EYA1: variants seen among roughly 807,000 people sequenced by gnomAD.
EYA1 encodes the protein EYA transcriptional coactivator and phosphatase 1, also known as protein phosphatase EYA1.
EYA1 carries 16 observed loss-of-function variants against 82.0 expected under a neutral mutation model. That is an observed-to-expected ratio of 0.20 (90% confidence interval 0.13 to 0.30). The LOEUF (loss-of-function observed/expected upper bound fraction) is 0.30, where lower values mean the gene tolerates loss of function less well. Ranked by LOEUF, EYA1 falls within the 10% of genes least tolerant of loss-of-function variation. The probability of loss-of-function intolerance (pLI) is 1.00; values close to 1 mark genes in which losing one functional copy is unlikely to be tolerated. For synonymous variants in EYA1, 261 were observed against 264.4 expected (o/e 0.99, Z 0.12); for missense variants, 633 against 730.7 (o/e 0.87, Z 1.54).
intron 2 of EYA1, among the ~76,000 whole-genome samples, chr8:71,511,443 G>A (rs1812590328): frequency 6.6e-6 from 1 of 152,126 alleles, no homozygotes; most frequent in Non-Finnish European, 1.5e-5. Context: ...TTGGGGCTGG[G>A]GACAAAATAT....
chr8:71,497,242 A>G (rs1377987185), intron 2 of EYA1, among the ~76,000 whole-genome samples: 3 of 152,242 alleles, frequency 2.0e-5, no homozygotes, highest in African/African-American at 7.2e-5. Flanking sequence ...AAAATCTCAT[A>G]ATGTTTTAAG....
At chr8:71,246,710 A>G (rs998004021) in intron 11 of EYA1, among the ~76,000 whole-genome samples, 1 of 152,232 alleles carries the variant, frequency 6.6e-6, no homozygotes, top group Non-Finnish European at 1.5e-5. Context: ...ATTCTCACAT[A>G]GACTAATAAA....
chr8:71,516,006 T>C (rs1008121291), intron 2 of EYA1, among the ~76,000 whole-genome samples: 2 of 152,166 alleles, frequency 1.3e-5, no homozygotes, highest in Admixed American at 6.5e-5. Context: ...GATTAACAGA[T>C]ATGTAAACAT....
intron 2 of EYA1, among the ~76,000 whole-genome samples, chr8:71,406,343 C>T (rs902916111): frequency 3.3e-5 from 5 of 152,160 alleles, no homozygotes; most frequent in African/African-American, 1.2e-4. Context: ...TATTTGATGA[C>T]ATAAAGAAAT....
chr8:71,405,938 A>G (rs1830194906), intron 2 of EYA1, among the ~76,000 whole-genome samples: 1 of 152,160 alleles, frequency 6.6e-6, no homozygotes, highest in Admixed American at 6.5e-5. Flanking sequence ...GATCACAGCC[A>G]CAATTTGCAG....
At chr8:71,491,765 G>A (rs1244201289) in intron 2 of EYA1, among the ~76,000 whole-genome samples, 1 of 152,194 alleles carries the variant, frequency 6.6e-6, no homozygotes, top group Non-Finnish European at 1.5e-5. Context: ...CAGAGCCACA[G>A]TAAAACCTGC....
chr8:71,312,955 A>G (rs1241135958), intron 7 of EYA1, among the ~76,000 whole-genome samples: 3 of 152,176 alleles, frequency 2.0e-5, no homozygotes, highest in South Asian at 2.1e-4. Context: ...TGATGCTTCA[A>G]TGACTGGTGG....
chr8:71,460,132 G>C (rs1253496420), intron 2 of EYA1, among the ~76,000 whole-genome samples: 2 of 152,156 alleles, frequency 1.3e-5, no homozygotes, highest in Non-Finnish European at 2.9e-5. Flanking sequence ...CATTCTCCAG[G>C]TGTTCAATCT....
intron 2 of EYA1, among the ~76,000 whole-genome samples, chr8:71,372,534 T>C (rs1828141699): frequency 6.6e-6 from 1 of 152,034 alleles, no homozygotes; most frequent in Admixed American, 6.6e-5. Context: ...AGGAGAAAGA[T>C]GAATATAATT....
At chr8:71,520,145 A>AC (rs1217390802) in intron 2 of EYA1, among the ~76,000 whole-genome samples, 2 of 152,156 alleles carry the variant, frequency 1.3e-5, no homozygotes, top group African/African-American at 4.8e-5. Context: ...ATGAGAACAA[A>AC]CAATAATGTC....
chr8:71,482,314 G>A (rs764964360), intron 2 of EYA1, among the ~76,000 whole-genome samples: 2 of 152,118 alleles, frequency 1.3e-5, no homozygotes, highest in South Asian at 2.1e-4. Context: ...ATTATTCACC[G>A]GGAAAATGCA....
At chr8:71,285,988 TAGA>T (rs1298500343) in intron 9 of EYA1, among the ~76,000 whole-genome samples, 3 of 152,226 alleles carry the variant, frequency 2.0e-5, no homozygotes, top group Non-Finnish European at 2.9e-5. Flanking sequence ...ATGAGTACCT[TAGA>T]AGAAGAATGT....
intron 2 of EYA1, among the ~76,000 whole-genome samples, chr8:71,412,383 A>G (rs1322177526): frequency 1.4e-5 from 2 of 145,770 alleles, no homozygotes; most frequent in Non-Finnish European, 3.0e-5. Flanking sequence ...GTATAATAAA[A>G]AAATATAAAA....
In EYA1 at chr8:71,361,628, ACAGT is replaced by A. The variant is rs1827385377; in HGVS notation, c.-55+15_-55+18del. ...GTTGTCAGTCACTACAATTTTTCAAACAGTCAGCTTGTACTTACAGCGCTTACAT... is the reference window on the plus strand; with the variant it reads ...GTTGTCAGTCACTACAATTTTTCAAACAGCTTGTACTTACAGCGCTTACAT... On this transcript the variant is annotated intron_variant, in intron 1 of 17. Transcript: ENST00000340726. The A allele has an allele frequency of 1.0e-6, 1 of 981,280 alleles. No homozygotes were observed. Among genetic ancestry groups the A allele is most frequent in the African/African-American group, 1.7e-5 (1 of 57,298 alleles). The allele number at this position is 981,280 out of a possible 1,614,324, so 60.8% of individuals were successfully genotyped here.
rs1031205029 is a variant in EYA1 at position 71,293,032 on chromosome 8, A to G, written c.826+6015T>C. Among the ~76,000 whole-genome samples, 6 of 152,154 alleles carry G rather than the reference A, an allele frequency of 3.9e-5. No individual in the cohort carries two copies. The South Asian group carries it at 6.2e-4, about 16-fold the overall frequency. ...CTGTTTGAGAATATCAATAAAATTG[A>G]TAAACCTCTAGGCAGGCTAACCAAG... On this transcript the variant is annotated intron_variant, in intron 9 of 17. Coordinates refer to ENST00000340726, the MANE Select transcript of EYA1 (RefSeq NM_000503.6).
chr8:71,210,231 G>T (rs1808331037), intron 17 of EYA1, among the ~76,000 whole-genome samples: 1 of 152,190 alleles, frequency 6.6e-6, no homozygotes, highest in Admixed American at 6.5e-5. Context: ...ATATAAGGGA[G>T]CATGATTATA....
chr8:71,273,814 G>A (rs1392970466), intron 9 of EYA1, among the ~76,000 whole-genome samples: 1 of 152,192 alleles, frequency 6.6e-6, no homozygotes, highest in Non-Finnish European at 1.5e-5. Context: ...AGTATTTGAA[G>A]AGAAGCTAAA....
In EYA1 at chr8:71,256,468, A is replaced by G. The variant is rs190233461; in HGVS notation, c.1051-11776T>C. 5.3e-5 allele frequency among the ~76,000 whole-genome samples: 8 copies of G among 152,310 alleles called. No individual in the cohort carries two copies. In the East Asian group the frequency reaches 1.2e-3, roughly 22 times the overall value. On this transcript the variant is annotated intron_variant, in intron 11 of 17. Transcript: ENST00000340726. The stretch of plus-strand genomic sequence containing the variant: ...AGCCAGTCACAAAAAGTGAAGTACT[A>G]TATGATTCCACTTATATGAGGGTAC...
intron 11 of EYA1, among the ~76,000 whole-genome samples, chr8:71,264,740 AG>A (rs1234225042): frequency 2.6e-5 from 4 of 151,676 alleles, no homozygotes; most frequent in Non-Finnish European, 5.9e-5. Flanking sequence ...CACCACACCC[AG>A]CTAATTTTTG....
Sources: gnomAD v4.1 joint callset for allele counts (sites outside exome capture counted in the v4.1 genomes callset) on GRCh38, gnomAD v4.1.1 for gene constraint, MANE v1.5 for transcripts, NCBI Gene and HGNC (gene_info 2026-07-23, HGNC 2026-07-21) for gene names.